Variants in WWOX observed in about 807,000 individuals in gnomAD.
The protein encoded by WWOX is WW domain containing oxidoreductase.
A neutral mutation model predicts 46.2 loss-of-function variants in WWOX; 69 were observed. The ratio of observed to expected loss-of-function variants is 1.49; its 90% CI spans 1.23 to 1.82. The LOEUF (loss-of-function observed/expected upper bound fraction) is 1.82, where lower values mean the gene tolerates loss of function less well. WWOX is among the 40% of genes most tolerant of loss of function. The pLI is 0.00. For synonymous variants in WWOX, 359 were observed against 202.6 expected (o/e 1.77, Z -6.56); for missense variants, 919 against 542.6 (o/e 1.69, Z -6.89).
chr16:78,427,735 G>A (rs1211401411), intron 7 of WWOX, among the ~76,000 whole-genome samples: 1 of 152,192 alleles, frequency 6.6e-6, no homozygotes, highest in South Asian at 2.1e-4. Flanking sequence ...CGTTGATCAT[G>A]CCACTGCATT....
rs76415067 is a variant in WWOX at position 78,723,365 on chromosome 16, A to G, written c.1056+290613A>G. The stretch of plus-strand genomic sequence containing the variant: ...GGCTTTTGCTAAAGAGCCTTCCCCT[A>G]TGAGAAGTGAGGCAGGAGAAGGCGG... On this transcript the variant is annotated intron_variant, in intron 8 of 8. Transcript: ENST00000566780. 1.2e-3 allele frequency among the ~76,000 whole-genome samples: 187 copies of G among 152,192 alleles called. 1 individual carries two copies. The highest frequency in any genetic ancestry group is 4.5e-3 in the African/African-American group (186 of 41,516).
intron 8 of WWOX, among the ~76,000 whole-genome samples, chr16:78,768,872 C>T (rs74889352): frequency 0.02 from 3,097 of 152,236 alleles, 46 homozygotes; most frequent in South Asian, 0.043. Flanking sequence ...GAGCATGACC[C>T]GCCAATGCCG....
At chr16:78,753,891 T>C (rs958382159) in intron 8 of WWOX, among the ~76,000 whole-genome samples, 5 of 131,744 alleles carry the variant, frequency 3.8e-5, no homozygotes, top group African/African-American at 1.1e-4. Context: ...TAAGGAAGCA[T>C]AGAATTGAAG....
chr16:78,962,843 T>G (rs2046296844), intron 8 of WWOX, among the ~76,000 whole-genome samples: 2 of 152,196 alleles, frequency 1.3e-5, no homozygotes, highest in South Asian at 2.1e-4. Flanking sequence ...CTATTCTGAT[T>G]TCTATCAGCA....
At chr16:78,722,156 G>A (rs527361262) in intron 8 of WWOX, among the ~76,000 whole-genome samples, 3 of 152,294 alleles carry the variant, frequency 2.0e-5, no homozygotes, top group Non-Finnish European at 2.9e-5. Flanking sequence ...TGACCAGCAC[G>A]TGGCTCACTC....
intron 8 of WWOX, among the ~76,000 whole-genome samples, chr16:78,854,924 A>C (rs942766447): frequency 6.9e-6 from 1 of 144,030 alleles, no homozygotes; most frequent in African/African-American, 2.6e-5. Flanking sequence ...TTTTTTTTTT[A>C]ACAAAACTTT....
intron 8 of WWOX, among the ~76,000 whole-genome samples, chr16:78,575,047 ATATATATATAT>A (rs2044833193): frequency 1.1e-4 from 1 of 8,726 alleles, no homozygotes; most frequent in African/African-American, 3.8e-4. Context: ...ATATATATAT[ATATATATATAT>A]ATATATATAT....
intron 6 of WWOX, among the ~76,000 whole-genome samples, chr16:78,414,008 C>A (rs1418851103): frequency 6.6e-6 from 1 of 151,902 alleles, no homozygotes; most frequent in Admixed American, 6.6e-5. Context: ...CCAGTTCTTG[C>A]CTTAACTGAT....
chr16:78,555,379 G>C (rs1675835951), intron 8 of WWOX, among the ~76,000 whole-genome samples: 1 of 151,984 alleles, frequency 6.6e-6, no homozygotes, highest in Non-Finnish European at 1.5e-5. Context: ...AGTTATTGTT[G>C]AATACTTGGA....
chr16:78,925,383 T>C (rs2045475321), intron 8 of WWOX, among the ~76,000 whole-genome samples: 4 of 152,230 alleles, frequency 2.6e-5, no homozygotes, highest in South Asian at 2.1e-4. Flanking sequence ...TCAGTTATTG[T>C]TTGAAAGGAC....
At chr16:79,160,791 G>A (rs1430548971) in intron 8 of WWOX, among the ~76,000 whole-genome samples, 2 of 152,150 alleles carry the variant, frequency 1.3e-5, no homozygotes, top group Non-Finnish European at 1.5e-5. Flanking sequence ...ATATGTCTGT[G>A]TGTACATATA....
At chr16:79,094,601 G>A (rs1350681966) in intron 8 of WWOX, among the ~76,000 whole-genome samples, 1 of 151,938 alleles carries the variant, frequency 6.6e-6, no homozygotes, top group African/African-American at 2.4e-5. Context: ...AACTGCATCA[G>A]AGTAACCGTT....
At chr16:79,069,892 T>C (rs2048516164) in intron 8 of WWOX, among the ~76,000 whole-genome samples, 1 of 152,196 alleles carries the variant, frequency 6.6e-6, no homozygotes, top group Admixed American at 6.5e-5. Context: ...AAACACCTTG[T>C]TTCAAATTTT....
intron 8 of WWOX, among the ~76,000 whole-genome samples, chr16:79,135,905 A>T (rs2049973112): frequency 6.6e-6 from 1 of 152,140 alleles, no homozygotes; most frequent in African/African-American, 2.4e-5. Context: ...TTTCTATAAG[A>T]TTGCTCTCAT....
intron 8 of WWOX, among the ~76,000 whole-genome samples, chr16:78,846,712 TA>T (rs1259163947): frequency 6.6e-6 from 1 of 152,232 alleles, no homozygotes; most frequent in Non-Finnish European, 1.5e-5. Flanking sequence ...TTGTAATTAA[TA>T]AATATATTGG....
At chr16:78,206,920 C>T (rs2036414218) in intron 5 of WWOX, among the ~76,000 whole-genome samples, 1 of 152,164 alleles carries the variant, frequency 6.6e-6, no homozygotes. Flanking sequence ...ATACCTCTCC[C>T]TTACTGATAA....
chr16:78,568,782 C>A lies in WWOX; in HGVS notation c.1056+136030C>A, dbSNP rs149462612. On this transcript the variant is annotated intron_variant, in intron 8 of 8. Coordinates refer to ENST00000566780, the MANE Select transcript of WWOX (RefSeq NM_016373.4). The stretch of plus-strand genomic sequence containing the variant: ...GAGCCACAGCGTCCAGCCCCAACTT[C>A]TTAAAAGCCAGAAACAACTGGCTGT... 1.2e-3 allele frequency among the ~76,000 whole-genome samples: 190 copies of A among 152,292 alleles called. 1 individual carries two copies. The highest frequency in any genetic ancestry group is 4.4e-3 in the African/African-American group (184 of 41,574).
intron 8 of WWOX, among the ~76,000 whole-genome samples, chr16:78,957,180 C>T (rs916323653): frequency 2.6e-5 from 4 of 152,148 alleles, no homozygotes; most frequent in Admixed American, 2.6e-4. Flanking sequence ...CTTAAAGAAG[C>T]AATATTTACT....
intron 3 of WWOX, among the ~76,000 whole-genome samples, chr16:78,112,775 C>G (rs1567577338): frequency 6.6e-6 from 1 of 150,564 alleles, no homozygotes; most frequent in Non-Finnish European, 1.5e-5. Context: ...TCACAGCTCG[C>G]TGCAGCCTCA....
Sources: allele counts gnomAD v4.1 joint callset (sites outside exome capture counted in the v4.1 genomes callset), GRCh38; gene constraint gnomAD v4.1.1; transcripts MANE v1.5; gene names NCBI Gene and HGNC (gene_info 2026-07-23, HGNC 2026-07-21).